Variants in EGFR observed in about 807,000 individuals in gnomAD.
EGFR encodes the protein epidermal growth factor receptor.
EGFR carries 58 observed loss-of-function variants against 143.0 expected under a neutral mutation model. That is an observed-to-expected ratio of 0.41 (90% CI 0.33 to 0.50). The LOEUF (loss-of-function observed/expected upper bound fraction) is 0.50. EGFR is among the 20% of genes least tolerant of loss of function. EGFR has a pLI of 0.39. For synonymous variants in EGFR, 613 were observed against 594.4 expected (o/e 1.03, Z -0.45); for missense variants, 1,307 against 1,579.0 (o/e 0.83, Z 2.92).
chr7:55,152,485 TC>T (rs1785205518), intron 5 of EGFR, 60 bp from the exon 6 acceptor site: 2 of 1,482,322 alleles, frequency 1.3e-6, no homozygotes, highest in Non-Finnish European at 1.9e-6. Context: ...CTCTGCGACA[TC>T]CCTGGGAAAT....
At position 55,045,699 on chromosome 7, in the gene EGFR, G is replaced by A. The variant is rs1788144491; in HGVS notation, c.88+26334G>A. Among the ~76,000 whole-genome samples, 2 of 152,166 alleles carry A rather than the reference G, an allele frequency of 1.3e-5. 1 individual carries two copies. The highest frequency in any genetic ancestry group is 4.2e-4 in the South Asian group (2 of 4,818). On this transcript the variant is annotated intron_variant, in intron 1 of 27. Coordinates refer to ENST00000275493, the MANE Select transcript of EGFR (RefSeq NM_005228.5). Reference sequence around the variant, plus strand: ...CCTAAAGCTGTTGAGACTTCAGAAAGGTAATGTGTGAAAAGTGAAAAGTGC... The same window carrying A: ...CCTAAAGCTGTTGAGACTTCAGAAAAGTAATGTGTGAAAAGTGAAAAGTGC...
intron 1 of EGFR, among the ~76,000 whole-genome samples, chr7:55,077,336 A>G (rs1790185599): frequency 6.6e-6 from 1 of 152,270 alleles, no homozygotes; most frequent in African/African-American, 2.4e-5. Flanking sequence ...AGCAAAAAAT[A>G]TCATCTTAAG....
chr7:55,154,430 C>T (rs570292224), intron 7 of EGFR, among the ~76,000 whole-genome samples: 1 of 152,230 alleles, frequency 6.6e-6, no homozygotes, highest in Non-Finnish European at 1.5e-5. Context: ...GAAACACCTG[C>T]TGCTCAGCCC....
In EGFR at chr7:55,202,580, G is replaced by A. The variant is rs764780987; in HGVS notation, c.3226G>A (p.Ala1076Thr). Residue 1076 changes from alanine (A) to threonine (T), a missense_variant, in exon 27 of 28, where the codon GCC becomes ACC. Physicochemically the swap from Ala to Thr is moderately conservative, Grantham distance 58. Coordinates refer to ENST00000275493, the MANE Select transcript of EGFR (RefSeq NM_005228.5). The part of the protein sequence containing the change: ...LQRYSSDPTG[A>T]LTEDSIDDTF... The stretch of plus-strand genomic sequence containing the variant: ...GCGATACAGCTCAGACCCCACAGGC[G>A]CCTTGACTGAGGACAGCATAGACGA... 6 of 1,613,336 alleles carry A rather than the reference G, an allele frequency of 3.7e-6. No individual in the cohort carries two copies. The highest frequency in any genetic ancestry group is 2.2e-5 in the South Asian group (2 of 90,890).
intron 1 of EGFR, among the ~76,000 whole-genome samples, chr7:55,064,735 A>G (rs1789400533): frequency 6.6e-6 from 1 of 152,224 alleles, no homozygotes; most frequent in Admixed American, 6.5e-5. Flanking sequence ...TTAACAATAC[A>G]AGGATGGATT....
At chr7:55,167,687 C>T (rs1306175644) in intron 15 of EGFR, among the ~76,000 whole-genome samples, 8 of 148,316 alleles carry the variant, frequency 5.4e-5, no homozygotes, top group African/African-American at 1.7e-4. Flanking sequence ...GTGGAAGTCA[C>T]GGTGGTGGCG....
chr7:55,106,086 G>A (rs1485245946), intron 1 of EGFR, among the ~76,000 whole-genome samples: 1 of 152,234 alleles, frequency 6.6e-6, no homozygotes, highest in Admixed American at 6.5e-5. Context: ...TAGAGACCCA[G>A]GTCTGGGAGC....
chr7:55,185,015 C>T (rs845561), intron 20 of EGFR, among the ~76,000 whole-genome samples: 114,202 of 152,166 alleles, frequency 0.75, 44,093 homozygotes, highest in African/African-American at 0.86. Context: ...CCTGTGTTGA[C>T]TCACAAAGGC....
At chr7:55,027,160 C>T (rs1399813489) in intron 1 of EGFR, among the ~76,000 whole-genome samples, 1 of 152,116 alleles carries the variant, frequency 6.6e-6, no homozygotes, top group Non-Finnish European at 1.5e-5. Context: ...GACCGACTTA[C>T]CTTTTGGAAG....
At chr7:55,025,794 A>C (rs554066230) in intron 1 of EGFR, among the ~76,000 whole-genome samples, 1 of 152,214 alleles carries the variant, frequency 6.6e-6, no homozygotes, top group Non-Finnish European at 1.5e-5. Context: ...TGAGGCTGCT[A>C]TAGTCAGCAG....
chr7:55,061,323 A>G (rs1181479763), intron 1 of EGFR, among the ~76,000 whole-genome samples: 1 of 152,184 alleles, frequency 6.6e-6, no homozygotes, highest in African/African-American at 2.4e-5. Context: ...AAGGAAAGCA[A>G]TTGTCCAAAT....
At chr7:55,188,277 C>G (rs552433142) in intron 20 of EGFR, among the ~76,000 whole-genome samples, 15 of 152,206 alleles carry the variant, frequency 9.9e-5, no homozygotes, top group African/African-American at 3.6e-4. Context: ...AAATAGAACA[C>G]AAACAATCCA....
chr7:55,100,689 C>G (rs1482355578), intron 1 of EGFR, among the ~76,000 whole-genome samples: 1 of 152,198 alleles, frequency 6.6e-6, no homozygotes, highest in East Asian at 1.9e-4. Flanking sequence ...CTCCACACGC[C>G]GTCCTTGGGG....
intron 19 of EGFR, among the ~76,000 whole-genome samples, chr7:55,178,390 G>T (rs978423525): frequency 6.6e-6 from 1 of 152,204 alleles, no homozygotes; most frequent in African/African-American, 2.4e-5. Flanking sequence ...TACTGTGTGT[G>T]TGTCTCCCAC....
intron 22 of EGFR, among the ~76,000 whole-genome samples, chr7:55,196,193 T>TTTTTTTTTTTTTC (rs1554354441): frequency 7.1e-6 from 1 of 141,294 alleles, no homozygotes; most frequent in Non-Finnish European, 1.5e-5. Flanking sequence ...TTTTTTTTTT[T>TTTTTTTTTTTTTC]ACTTTTCAAT....
At position 55,143,304 on chromosome 7, in the gene EGFR, G is replaced by C. The variant is rs2128927148; in HGVS notation, c.241-1G>C. ...CACGCATTTATGTTTTCTCTTCTTA[G>C]ACCATCCAGGAGGTGGCTGGTTATG... is the stretch of plus-strand genomic sequence containing the variant. On this transcript the variant is annotated splice_acceptor_variant, in intron 2 of 27. Coordinates refer to ENST00000275493, the MANE Select transcript of EGFR (RefSeq NM_005228.5). LOFTEE classifies it high-confidence loss of function. 1 of 1,614,162 alleles carries C rather than the reference G, an allele frequency of 6.2e-7. No homozygotes were observed. The highest frequency in any genetic ancestry group is 8.5e-7 in the Non-Finnish European group (1 of 1,180,012).
intron 1 of EGFR, among the ~76,000 whole-genome samples, chr7:55,050,505 T>C (rs545399136): frequency 9.2e-5 from 14 of 152,350 alleles, no homozygotes; most frequent in Admixed American, 2.6e-4. Flanking sequence ...GGGAGGGCAC[T>C]TGGGTTGCTT....
intron 1 of EGFR, among the ~76,000 whole-genome samples, chr7:55,106,844 A>G (rs1792163680): frequency 6.6e-6 from 1 of 152,178 alleles, no homozygotes; most frequent in Admixed American, 6.5e-5. Context: ...AAAAAATCAT[A>G]TTTAGAGATC....
intron 1 of EGFR, among the ~76,000 whole-genome samples, chr7:55,110,433 G>C (rs916793276): frequency 6.6e-6 from 1 of 152,144 alleles, no homozygotes; most frequent in Non-Finnish European, 1.5e-5. Flanking sequence ...TCACACATGG[G>C]GCAGCTCTCC....
Sources: allele counts gnomAD v4.1 joint callset (sites outside exome capture counted in the v4.1 genomes callset), GRCh38; gene constraint gnomAD v4.1.1; transcripts MANE v1.5; gene names NCBI Gene and HGNC (gene_info 2026-07-23, HGNC 2026-07-21).